Variants in TAFA1 observed in about 807,000 individuals in gnomAD.
The protein encoded by TAFA1 is TAFA chemokine like family member 1, also known as chemokine-like protein TAFA-1.
TAFA1 carries 4 observed loss-of-function variants against 18.5 expected under a neutral mutation model. The ratio of observed to expected loss-of-function variants is 0.22; its 90% CI spans 0.11 to 0.49. The LOEUF (loss-of-function observed/expected upper bound fraction) is 0.49, where lower values mean the gene tolerates loss of function less well. Among genes scored for constraint, TAFA1 ranks in the 20% least tolerant of loss-of-function variants. TAFA1 has a pLI of 0.98. For missense variants in TAFA1, 147 were observed against 169.0 expected (o/e 0.87, Z 0.72); for synonymous variants, 56 against 55.2 (o/e 1.01, Z -0.06).
chr3:68,128,808 G>C (rs1409380471), intron 2 of TAFA1, among the ~76,000 whole-genome samples: 1 of 152,148 alleles, frequency 6.6e-6, no homozygotes, highest in Non-Finnish European at 1.5e-5. Flanking sequence ...ACTCCAAACT[G>C]AGTGCTTCCA....
intron 3 of TAFA1, among the ~76,000 whole-genome samples, chr3:68,516,895 T>A (rs1368649991): frequency 6.6e-6 from 1 of 152,138 alleles, no homozygotes; most frequent in Non-Finnish European, 1.5e-5. Flanking sequence ...TGCCTCAGTC[T>A]CCCGAGTAGC....
chr3:68,367,697 A>C (rs1274789911), intron 2 of TAFA1, among the ~76,000 whole-genome samples: 1 of 152,130 alleles, frequency 6.6e-6, no homozygotes, highest in Non-Finnish European at 1.5e-5. Context: ...CCCCAGACAA[A>C]ATAAAAGGCT....
chr3:68,042,892 T>C (rs905042514), intron 2 of TAFA1, among the ~76,000 whole-genome samples: 1 of 152,156 alleles, frequency 6.6e-6, no homozygotes, highest in East Asian at 1.9e-4. Context: ...TGTTTTGTTT[T>C]GTTTTGTTTT....
At chr3:68,286,314 A>G (rs981640640) in intron 2 of TAFA1, among the ~76,000 whole-genome samples, 9 of 152,172 alleles carry the variant, frequency 5.9e-5, no homozygotes, top group African/African-American at 2.2e-4. Context: ...TGAGTTAATG[A>G]GTCTACGTTA....
In TAFA1 at chr3:68,014,681, A is replaced by G. The variant is rs186955456; in HGVS notation, c.118+7937A>G. On this transcript the variant is annotated intron_variant, in intron 2 of 4. Coordinates refer to ENST00000478136, the MANE Select transcript of TAFA1 (RefSeq NM_213609.4). ...TTTATTAACTTTATCTATTTGACAT[A>G]GCAGGATTCAAAATTACCTTTTCTT... is the stretch of plus-strand genomic sequence containing the variant. Among the ~76,000 whole-genome samples, 136 of 152,356 alleles carry G rather than the reference A, an allele frequency of 8.9e-4. 1 individual carries two copies. The highest frequency in any genetic ancestry group is 2.9e-3 in the African/African-American group (122 of 41,588).
At chr3:68,339,180 C>G (rs1443872193) in intron 2 of TAFA1, among the ~76,000 whole-genome samples, 1 of 152,246 alleles carries the variant, frequency 6.6e-6, no homozygotes, top group Non-Finnish European at 1.5e-5. Flanking sequence ...GCAGTGCTTA[C>G]ATCCACCATA....
At chr3:68,283,210 T>C (rs1042739441) in intron 2 of TAFA1, among the ~76,000 whole-genome samples, 3 of 152,210 alleles carry the variant, frequency 2.0e-5, no homozygotes, top group Non-Finnish European at 2.9e-5. Context: ...CATTCTGCTA[T>C]ACTTCCTCAC....
Position 68,042,034 on chromosome 3 carries a change from A to G in TAFA1, c.118+35290A>G, listed in dbSNP as rs865938012. Reference sequence around the variant, plus strand: ...TTATTTGCCAATAGTTTTAAAATATAAAAAAATCCAGATTTTCTACTTTAA... The same window carrying G: ...TTATTTGCCAATAGTTTTAAAATATGAAAAAATCCAGATTTTCTACTTTAA... On this transcript the variant is annotated intron_variant, in intron 2 of 4. Transcript: ENST00000478136. Among the ~76,000 whole-genome samples the G allele has an allele frequency of 2.0e-5, 3 of 152,276 alleles. No homozygotes were observed. The South Asian group carries it at 6.2e-4, about 32-fold the overall frequency.
intron 2 of TAFA1, among the ~76,000 whole-genome samples, chr3:68,239,104 G>A (rs2066966218): frequency 6.6e-6 from 1 of 152,150 alleles, no homozygotes; most frequent in Non-Finnish European, 1.5e-5. Context: ...AATCATGGTA[G>A]AGATGTGTGT....
rs1405620946 is a variant in TAFA1, at chr3:68,004,498, C to T, written c.-208C>T. ...TTGGCTCCTTTTCTGACAATACAGT[C>T]TGAATGAACCCGATGTCTTTTTTTT... is the stretch of plus-strand genomic sequence containing the variant. On this transcript the variant is annotated 5_prime_UTR_variant, in exon 1 of 5. Coordinates refer to ENST00000478136, the MANE Select transcript of TAFA1 (RefSeq NM_213609.4). 6.6e-6 allele frequency: 1 copy of T among 151,932 alleles called. No individual in the cohort carries two copies. Among genetic ancestry groups the T allele is most frequent in the Non-Finnish European group, 1.5e-5 (1 of 68,014 alleles). 9.4% of individuals were successfully genotyped at this position (151,932 alleles called of 1,614,324 possible).
intron 2 of TAFA1, among the ~76,000 whole-genome samples, chr3:68,059,260 A>T (rs573138545): frequency 1.3e-5 from 2 of 152,082 alleles, no homozygotes; most frequent in East Asian, 3.9e-4. Context: ...CACTAATCAC[A>T]CACACGCATG....
chr3:68,139,718 A>G (rs573543287), intron 2 of TAFA1, among the ~76,000 whole-genome samples: 1 of 152,172 alleles, frequency 6.6e-6, no homozygotes. Context: ...TTGCATTTTG[A>G]TTAAGCCTTG....
chr3:68,267,903 A>G (rs538927578), intron 2 of TAFA1, among the ~76,000 whole-genome samples: 1 of 152,290 alleles, frequency 6.6e-6, no homozygotes, highest in African/African-American at 2.4e-5. Context: ...CAATTGTCAG[A>G]TAATTTTAAG....
intron 2 of TAFA1, among the ~76,000 whole-genome samples, chr3:68,310,578 A>G (rs2068498030): frequency 6.6e-6 from 1 of 152,204 alleles, no homozygotes; most frequent in Non-Finnish European, 1.5e-5. Context: ...TTCAAATTAT[A>G]ATTCATATAA....
rs149515335 is a variant in TAFA1 at position 68,047,133 on chromosome 3, A to G, written c.118+40389A>G. Among the ~76,000 whole-genome samples the G allele has an allele frequency of 4.3e-3, 652 of 152,310 alleles. 7 individuals carry two copies. The East Asian group carries it at 0.05, about 12-fold the overall frequency. On this transcript the variant is annotated intron_variant, in intron 2 of 4. Transcript: ENST00000478136. ...TGAGGGTAGGCAAGCTACAGATGCT[A>G]CACATATTATCTTTATAAAGCACCG...
chr3:68,474,993 G>C (rs2072063943), intron 3 of TAFA1, among the ~76,000 whole-genome samples: 1 of 151,584 alleles, frequency 6.6e-6, no homozygotes, highest in Non-Finnish European at 1.5e-5. Flanking sequence ...GAACTGATTA[G>C]CTAAGATCGT....
At chr3:68,192,883 G>A (rs964455287) in intron 2 of TAFA1, among the ~76,000 whole-genome samples, 1 of 151,712 alleles carries the variant, frequency 6.6e-6, no homozygotes, top group African/African-American at 2.4e-5. Context: ...AGGAATGGAA[G>A]AGGCTATAAT....
intron 2 of TAFA1, among the ~76,000 whole-genome samples, chr3:68,031,555 G>A (rs1340674959): frequency 2.0e-5 from 3 of 152,274 alleles, no homozygotes; most frequent in South Asian, 2.1e-4. Context: ...GAAAGACCTC[G>A]TTTGTGGAGG....
intron 2 of TAFA1, among the ~76,000 whole-genome samples, chr3:68,176,294 C>A (rs563488370): frequency 6.6e-6 from 1 of 152,094 alleles, no homozygotes; most frequent in Non-Finnish European, 1.5e-5. Flanking sequence ...CAAGCCTGGG[C>A]AACATATTGA....
Sources: gnomAD v4.1 joint callset for allele counts (sites outside exome capture counted in the v4.1 genomes callset) on GRCh38, gnomAD v4.1.1 for gene constraint, MANE v1.5 for transcripts, NCBI Gene and HGNC (gene_info 2026-07-23, HGNC 2026-07-21) for gene names.